SEMA6D: variants seen among roughly 807,000 people sequenced by gnomAD.
SEMA6D encodes semaphorin-6D.
Under a neutral mutation model 106.6 loss-of-function variants are expected in SEMA6D, and 35 were observed. The ratio of observed to expected loss-of-function variants is 0.33; its 90% CI spans 0.25 to 0.44. The LOEUF is 0.44. SEMA6D is among the 20% of genes least tolerant of loss of function. SEMA6D has a pLI of 1.00. For missense variants in SEMA6D, 1,185 were observed against 1,345.9 expected, an observed-to-expected ratio of 0.88 and a Z score of 1.87; for synonymous variants, 499 against 487.7, an observed-to-expected ratio of 1.02 and a Z score of -0.31.
chr15:47,275,793 G>A (rs1337518502), intron 1 of SEMA6D, among the ~76,000 whole-genome samples: 1 of 152,040 alleles, frequency 6.6e-6, no homozygotes, highest in African/African-American at 2.4e-5. Context: ...ACTTTACATC[G>A]AAAGTTAGAA....
At chr15:47,453,993 A>T (rs369311795) in intron 2 of SEMA6D, among the ~76,000 whole-genome samples, 9 of 151,852 alleles carry the variant, frequency 5.9e-5, no homozygotes, top group African/African-American at 2.2e-4. Flanking sequence ...GCTTCATGAG[A>T]CTAAAAAATG....
chr15:47,352,628 G>A (rs529458329), intron 1 of SEMA6D, among the ~76,000 whole-genome samples: 2 of 152,292 alleles, frequency 1.3e-5, no homozygotes, highest in Admixed American at 1.3e-4. Flanking sequence ...ATCCTCAATT[G>A]TACATTGGAT....
chr15:47,608,171 C>T (rs898626463), intron 4 of SEMA6D, among the ~76,000 whole-genome samples: 2 of 152,014 alleles, frequency 1.3e-5, no homozygotes, highest in Admixed American at 1.3e-4. Context: ...CTGCCGTTTC[C>T]TTAAAGGAAC....
intron 1 of SEMA6D, among the ~76,000 whole-genome samples, chr15:47,204,830 G>T (rs1265342140): frequency 6.6e-6 from 1 of 152,094 alleles, no homozygotes; most frequent in Non-Finnish European, 1.5e-5. Flanking sequence ...TGTTTTTAGG[G>T]AGGATTATAA....
intron 4 of SEMA6D, among the ~76,000 whole-genome samples, chr15:47,648,391 C>T (rs2144888233): frequency 6.6e-6 from 1 of 152,280 alleles, no homozygotes; most frequent in Admixed American, 6.5e-5. Flanking sequence ...GGATGGCATC[C>T]TCTCCAGGGC....
chr15:47,303,345 G>C (rs367548407), intron 1 of SEMA6D, among the ~76,000 whole-genome samples: 6 of 152,304 alleles, frequency 3.9e-5, no homozygotes, highest in African/African-American at 1.4e-4. Context: ...ATTTCTAAAG[G>C]TTTCTCATGA....
chr15:47,335,018 A>G (rs1459285060), intron 1 of SEMA6D, among the ~76,000 whole-genome samples: 1 of 152,214 alleles, frequency 6.6e-6, no homozygotes, highest in Non-Finnish European at 1.5e-5. Flanking sequence ...CTCTGAGCTC[A>G]GGCCTCTAGC....
At chr15:47,304,990 A>G (rs2036179173) in intron 1 of SEMA6D, among the ~76,000 whole-genome samples, 1 of 152,230 alleles carries the variant, frequency 6.6e-6, no homozygotes, top group African/African-American at 2.4e-5. Context: ...TTAGGGAAAC[A>G]AAAGTATATG....
intron 3 of SEMA6D, among the ~76,000 whole-genome samples, chr15:47,485,928 A>G (rs2043283548): frequency 6.6e-6 from 1 of 152,236 alleles, no homozygotes; most frequent in South Asian, 2.1e-4. Flanking sequence ...CCACAATATT[A>G]GACTGTGTTT....
At chr15:47,340,160 A>G (rs1272615686) in intron 1 of SEMA6D, among the ~76,000 whole-genome samples, 1 of 152,166 alleles carries the variant, frequency 6.6e-6, no homozygotes, top group Admixed American at 6.6e-5. Flanking sequence ...GGCTGCGTGG[A>G]TGGAGCAGAG....
chr15:47,741,388 C>T (rs1041937656), intron 1 of SEMA6D, among the ~76,000 whole-genome samples: 1 of 152,192 alleles, frequency 6.6e-6, no homozygotes, highest in Non-Finnish European at 1.5e-5. Flanking sequence ...GTGACATCTA[C>T]GTATTAAACC....
At chr15:47,300,252 A>G (rs1053443938) in intron 1 of SEMA6D, among the ~76,000 whole-genome samples, 1 of 152,126 alleles carries the variant, frequency 6.6e-6, no homozygotes, top group African/African-American at 2.4e-5. Context: ...AGGGCATTTC[A>G]TTCTTGGCTG....
rs139072262 is a variant in SEMA6D, at chr15:47,224,709, C to T, written c.-239+40291C>T. On this transcript the variant is annotated intron_variant, in intron 1 of 19. Coordinates refer to the SEMA6D transcript ENST00000558014. ...AATGACTATGAAAGAAAATTCTTCACATCAATGACAGTTATTCAGTTGAAC... is the reference window on the plus strand; with the variant it reads ...AATGACTATGAAAGAAAATTCTTCATATCAATGACAGTTATTCAGTTGAAC... 2.4e-3 allele frequency among the ~76,000 whole-genome samples: 367 copies of T among 152,122 alleles called. 6 individuals are homozygous for T. Among genetic ancestry groups the T allele is most frequent in the East Asian group, 1.5e-3 (8 of 5,178 alleles).
chr15:47,192,317 A>G (rs1332549127), intron 1 of SEMA6D, among the ~76,000 whole-genome samples: 1 of 152,148 alleles, frequency 6.6e-6, no homozygotes, highest in Non-Finnish European at 1.5e-5. Context: ...CCTCCTTTCA[A>G]GTTTTCTCAC....
At chr15:47,436,305 G>A (rs1011473000) in intron 2 of SEMA6D, among the ~76,000 whole-genome samples, 4 of 151,642 alleles carry the variant, frequency 2.6e-5, no homozygotes, top group African/African-American at 9.7e-5. Context: ...CAGGACCATC[G>A]CTTCAACCCA....
In SEMA6D at chr15:47,484,723, A is replaced by G. The variant is rs1293157961; in HGVS notation, c.-87+14178A>G. 2.6e-5 allele frequency among the ~76,000 whole-genome samples: 4 copies of G among 152,182 alleles called. No individual in the cohort carries two copies. The East Asian group carries it at 7.7e-4, about 29-fold the overall frequency. ...AAGTAACCTCTGAATTTATAATAAC[A>G]TTCAAGAAGGAGGCAAGGCCTACAC... On this transcript the variant is annotated intron_variant, in intron 3 of 19. Transcript: ENST00000558014.
chr15:47,733,143 A>C (rs2080233812), intron 1 of SEMA6D, among the ~76,000 whole-genome samples: 1 of 152,230 alleles, frequency 6.6e-6, no homozygotes, highest in Non-Finnish European at 1.5e-5. Flanking sequence ...TTTCTGTTAC[A>C]TGTGATAAAT....
chr15:47,747,626 C>G (rs997909023), intron 1 of SEMA6D, among the ~76,000 whole-genome samples: 4 of 152,102 alleles, frequency 2.6e-5, no homozygotes, highest in Non-Finnish European at 5.9e-5. Flanking sequence ...ATAAGGATCA[C>G]CCAGACTTCC....
intron 3 of SEMA6D, among the ~76,000 whole-genome samples, chr15:47,470,968 G>A (rs1212824522): frequency 6.6e-6 from 1 of 152,138 alleles, no homozygotes; most frequent in African/African-American, 2.4e-5. Context: ...ATAACCAAAT[G>A]TGTACACTGT....
Sources: allele counts gnomAD v4.1 joint callset (sites outside exome capture counted in the v4.1 genomes callset), GRCh38; gene constraint gnomAD v4.1.1; transcripts MANE v1.5; gene names NCBI Gene and HGNC (gene_info 2026-07-23, HGNC 2026-07-21).